Variants in RALGPS1 observed in about 807,000 individuals in gnomAD.
The protein encoded by RALGPS1 is Ral GEF with PH domain and SH3 binding motif 1.
Under a neutral mutation model 78.8 loss-of-function variants are expected in RALGPS1, and 19 were observed. That is an observed-to-expected ratio of 0.24 (90% CI 0.17 to 0.35). The LOEUF (loss-of-function observed/expected upper bound fraction) is 0.35, where lower values mean the gene tolerates loss of function less well. RALGPS1 is among the 10% of genes least tolerant of loss of function. The probability of loss-of-function intolerance (pLI) is 1.00; values close to 1 mark genes in which losing one functional copy is unlikely to be tolerated. For synonymous variants in RALGPS1, 228 were observed against 256.3 expected (o/e 0.89, Z 1.06); for missense variants, 454 against 688.3 (o/e 0.66, Z 3.81).
intron 8 of RALGPS1, among the ~76,000 whole-genome samples, chr9:127,130,871 G>A (rs909028878): frequency 2.0e-5 from 3 of 152,206 alleles, no homozygotes; most frequent in South Asian, 2.1e-4. Flanking sequence ...CTGCCTATGT[G>A]ATGGAGAAGG....
At chr9:127,046,206 A>G (rs1277939740) in intron 5 of RALGPS1, among the ~76,000 whole-genome samples, 1 of 152,232 alleles carries the variant, frequency 6.6e-6, no homozygotes, top group African/African-American at 2.4e-5. Flanking sequence ...AGAATCGACA[A>G]ATCTCTCATG....
At chr9:126,938,687 C>T (rs1486083138) in intron 1 of RALGPS1, among the ~76,000 whole-genome samples, 2 of 152,140 alleles carry the variant, frequency 1.3e-5, no homozygotes, top group African/African-American at 4.8e-5. Flanking sequence ...AAAGGCTTTG[C>T]GAGTCATGGA....
chr9:127,013,100 C>T (rs546801467), intron 4 of RALGPS1, among the ~76,000 whole-genome samples: 59 of 152,198 alleles, frequency 3.9e-4, no homozygotes, highest in African/African-American at 1.3e-3. Flanking sequence ...CACAAGATAG[C>T]GAGAAATGGC....
intron 14 of RALGPS1, among the ~76,000 whole-genome samples, chr9:127,203,012 G>A (rs1461699480): frequency 6.6e-6 from 1 of 152,218 alleles, no homozygotes; most frequent in Non-Finnish European, 1.5e-5. Context: ...AGGGAAGGGA[G>A]CGTTTAGTCA....
intron 3 of RALGPS1, among the ~76,000 whole-genome samples, chr9:126,976,987 G>C (rs551687797): frequency 6.6e-6 from 1 of 152,168 alleles, no homozygotes; most frequent in Non-Finnish European, 1.5e-5. Context: ...ATCTTAAGCC[G>C]GCTGTGGTGA....
intron 8 of RALGPS1, among the ~76,000 whole-genome samples, chr9:127,072,470 CT>C (rs2050293175): frequency 6.6e-6 from 1 of 152,190 alleles, no homozygotes; most frequent in African/African-American, 2.4e-5. Context: ...CTGCCTTGGC[CT>C]CCCGATATCC....
chr9:127,067,386 C>T (rs887122303), intron 7 of RALGPS1, among the ~76,000 whole-genome samples: 4 of 152,236 alleles, frequency 2.6e-5, no homozygotes, highest in African/African-American at 9.6e-5. Context: ...CGTAAGCTAT[C>T]ACTGCTCCTG....
At chr9:127,121,997 C>T (rs542365264) in intron 8 of RALGPS1, among the ~76,000 whole-genome samples, 2 of 152,346 alleles carry the variant, frequency 1.3e-5, no homozygotes, top group African/African-American at 4.8e-5. Context: ...CACACACGCA[C>T]ACTCCCAGCT....
In RALGPS1 at chr9:126,965,887, A is replaced by T; in HGVS notation, c.101A>T (p.Tyr34Phe). The change falls in exon 3 of 19, where the codon TAT becomes TTT. Residue 34 changes from tyrosine (Y) to phenylalanine (F), a missense_variant. Physicochemically the swap from Tyr to Phe is conservative, Grantham distance 22 (BLOSUM62 3). Transcript: ENST00000259351. ...TCTCTGGAGGGCCAGAGCTGCGACTATGCCAGCAAGAGCTATGATGCCGTT... is the reference window on the plus strand; with the variant it reads ...TCTCTGGAGGGCCAGAGCTGCGACTTTGCCAGCAAGAGCTATGATGCCGTT... ...SDSLEGQSCD[Y>F]ASKSYDAVVF... 1 of 1,614,146 alleles carries T rather than the reference A, an allele frequency of 6.2e-7. No individual in the cohort carries two copies. Among genetic ancestry groups the T allele is most frequent in the Non-Finnish European group, 8.5e-7 (1 of 1,179,990 alleles).
intron 11 of RALGPS1, among the ~76,000 whole-genome samples, chr9:127,175,724 A>G (rs930668276): frequency 1.3e-5 from 2 of 148,962 alleles, no homozygotes; most frequent in Non-Finnish European, 3.0e-5. Flanking sequence ...GGGATGATGA[A>G]ACCTTCCTCC....
intron 8 of RALGPS1, among the ~76,000 whole-genome samples, chr9:127,093,242 G>C (rs2052692464): frequency 6.6e-6 from 1 of 152,150 alleles, no homozygotes; most frequent in East Asian, 1.9e-4. Context: ...TGGGAACCAG[G>C]GAGCCCAGAG....
At chr9:126,963,345 GTA>G (rs952620088) in intron 2 of RALGPS1, among the ~76,000 whole-genome samples, 1 of 152,002 alleles carries the variant, frequency 6.6e-6, no homozygotes, top group Admixed American at 6.6e-5. Context: ...GTGTATATAT[GTA>G]TATGTGTGTG....
At chr9:127,096,785 TA>T (rs1249458083) in intron 8 of RALGPS1, among the ~76,000 whole-genome samples, 9 of 152,250 alleles carry the variant, frequency 5.9e-5, no homozygotes, top group Admixed American at 5.2e-4. Flanking sequence ...TCCCAGGTTA[TA>T]AACTCCTTGC....
intron 1 of RALGPS1, among the ~76,000 whole-genome samples, chr9:126,946,406 C>T (rs780488146): frequency 1.4e-4 from 22 of 152,122 alleles, no homozygotes; most frequent in Non-Finnish European, 2.2e-4. Context: ...TGGTGGCACA[C>T]ACCTGTAATC....
chr9:126,916,024 C>A (rs2034121455), intron 1 of RALGPS1, among the ~76,000 whole-genome samples: 2 of 152,100 alleles, frequency 1.3e-5, no homozygotes, highest in Non-Finnish European at 1.5e-5. Context: ...TCCTCCGTTG[C>A]AAAATGAGCA....
chr9:127,070,629 A>G (rs184950621), intron 8 of RALGPS1, among the ~76,000 whole-genome samples: 57 of 151,898 alleles, frequency 3.8e-4, no homozygotes, highest in Middle Eastern at 3.4e-3. Context: ...GTCTTTGCCA[A>G]TTTGATAGGT....
chr9:126,975,048 T>C lies in RALGPS1; in HGVS notation c.166-2647T>C, dbSNP rs142744377. Reference sequence around the variant, plus strand: ...TTACTCATCAGCGACCTCTAACATATGTTTGGCTTTTTAGTAAAATGGCAT... The same window carrying C: ...TTACTCATCAGCGACCTCTAACATACGTTTGGCTTTTTAGTAAAATGGCAT... On this transcript the variant is annotated intron_variant, in intron 3 of 18. Coordinates refer to ENST00000259351, the MANE Select transcript of RALGPS1 (RefSeq NM_014636.3). 2.6e-4 allele frequency among the ~76,000 whole-genome samples: 40 copies of C among 152,218 alleles called. 1 individual carries two copies. In the East Asian group the frequency reaches 7.5e-3, roughly 29 times the overall value.
intron 5 of RALGPS1, among the ~76,000 whole-genome samples, chr9:127,047,613 C>T (rs1039169995): frequency 6.6e-6 from 1 of 151,540 alleles, no homozygotes; most frequent in Non-Finnish European, 1.5e-5. Context: ...GCAGGAGAAT[C>T]GCTTGATCCC....
intron 8 of RALGPS1, among the ~76,000 whole-genome samples, chr9:127,094,361 A>G (rs547129901): frequency 6.6e-6 from 1 of 152,244 alleles, no homozygotes; most frequent in Admixed American, 6.5e-5. Flanking sequence ...AACATCAGTC[A>G]GTGCCTGCAG....
Sources: gnomAD v4.1 joint callset for allele counts (sites outside exome capture counted in the v4.1 genomes callset) on GRCh38, gnomAD v4.1.1 for gene constraint, MANE v1.5 for transcripts, NCBI Gene and HGNC (gene_info 2026-07-23, HGNC 2026-07-21) for gene names.